Variants in LGMN observed in about 807,000 individuals in gnomAD.
LGMN encodes the protein asparaginyl endopeptidase.
LGMN carries 36 observed loss-of-function variants against 56.8 expected under a neutral mutation model. That is an observed-to-expected ratio of 0.63 (90% CI 0.49 to 0.84). The LOEUF (loss-of-function observed/expected upper bound fraction) is 0.84, where lower values mean the gene tolerates loss of function less well. Ranked by LOEUF, LGMN falls within the 40% of genes least tolerant of loss-of-function variation. LGMN has a pLI of 0.00. For synonymous variants in LGMN, 199 were observed against 210.1 expected (o/e 0.95, Z 0.46); for missense variants, 446 against 556.1 (o/e 0.80, Z 1.99).
intron 4 of LGMN, among the ~76,000 whole-genome samples, 160 bp downstream of exon 4, chr14:92,717,220 C>T (rs2295987): frequency 0.084 from 12,796 of 152,214 alleles, 683 homozygotes; most frequent in East Asian, 0.24. Context: ...TTTCAAAACT[C>T]TCATAATTTA....
intron 2 of LGMN, among the ~76,000 whole-genome samples, chr14:92,719,611 C>A (rs139983383): frequency 1.4e-4 from 21 of 152,258 alleles, no homozygotes; most frequent in African/African-American, 3.9e-4. Context: ...CTGCCAAAGA[C>A]ACTGTTTAGA....
intron 2 of LGMN, among the ~76,000 whole-genome samples, chr14:92,732,203 C>T (rs545855156): frequency 6.6e-6 from 1 of 152,264 alleles, no homozygotes; most frequent in African/African-American, 2.4e-5. Context: ...GGTGATCTGG[C>T]TCCCTGGGGA....
At position 92,717,415 on chromosome 14, in the gene LGMN, C is replaced by A. The variant is rs753232604; in HGVS notation, c.283G>T (p.Val95Phe). The change falls in exon 4 of 14, where the codon GTC (valine) becomes TTC (phenylalanine). Residue 95 changes from valine (V) to phenylalanine (F), a missense_variant. Val to Phe is a conservative substitution (Grantham distance 50). Transcript: ENST00000334869. Reference protein sequence around the residue: ...IVINRPNGTDVYQGVPKDYTG... With the variant: ...IVINRPNGTDFYQGVPKDYTG... Reference sequence around the variant, plus strand: ...TAGTCCTTCGGGACTCCCTGATAGACATCTGTGCCATTGGGCCTGTTGATC... The same window carrying A: ...TAGTCCTTCGGGACTCCCTGATAGAAATCTGTGCCATTGGGCCTGTTGATC... 3.7e-6 allele frequency: 6 copies of A among 1,613,618 alleles called. No individual in the cohort carries two copies. The Admixed American group carries it at 5.0e-5, about 13-fold the overall frequency.
intron 1 of LGMN, among the ~76,000 whole-genome samples, chr14:92,747,445 G>A (rs1184723079): frequency 6.6e-6 from 1 of 152,060 alleles, no homozygotes; most frequent in Non-Finnish European, 1.5e-5. Context: ...AGCCGAGATC[G>A]CACCACTGCA....
chr14:92,708,066 G>T (rs939828353), intron 11 of LGMN, among the ~76,000 whole-genome samples: 1 of 151,314 alleles, frequency 6.6e-6, no homozygotes, highest in African/African-American at 2.4e-5. Flanking sequence ...CAGGAGAATC[G>T]CTTGAACCCG....
chr14:92,719,316 CG>C (rs1890316554), intron 2 of LGMN, among the ~76,000 whole-genome samples: 1 of 47,022 alleles, frequency 2.1e-5, no homozygotes. Context: ...CCGCCACCGC[CG>C]CCGCCGCCAC....
At chr14:92,721,660 CA>C (rs1425466712) in intron 2 of LGMN, among the ~76,000 whole-genome samples, 2 of 152,210 alleles carry the variant, frequency 1.3e-5, no homozygotes, top group Non-Finnish European at 2.9e-5. Flanking sequence ...TATAGCCTAG[CA>C]AAACTCTATC....
Position 92,704,317 on chromosome 14 carries a change from C to T in LGMN, c.*2G>A. 1 of 1,614,070 alleles carries T rather than the reference C, an allele frequency of 6.2e-7. No homozygotes were observed. Among genetic ancestry groups the T allele is most frequent in the Non-Finnish European group, 8.5e-7 (1 of 1,179,958 alleles). On this transcript the variant is annotated 3_prime_UTR_variant, in exon 14 of 14. Transcript: ENST00000334869. ...TTGGAAAAGCTTCCAGGAGGCAGCT[C>T]TTCAGTAGTGACCAAGGCACACGTG... is the stretch of plus-strand genomic sequence containing the variant.
Position 92,704,263 on chromosome 14 carries a change from T to C in LGMN, c.*56A>G. The C allele has an allele frequency of 6.2e-7, 1 of 1,613,352 alleles. No homozygotes were observed. The highest frequency in any genetic ancestry group is 8.5e-7 in the Non-Finnish European group (1 of 1,179,376). The stretch of plus-strand genomic sequence containing the variant: ...CTCACTCCACCTCTCCAGTCTCTGA[T>C]CAGCACACAGTCGGTGGGGCGCTCA... On this transcript the variant is annotated 3_prime_UTR_variant, in exon 14 of 14. Coordinates refer to ENST00000334869, the MANE Select transcript of LGMN (RefSeq NM_005606.7).
intron 3 of LGMN, among the ~76,000 whole-genome samples, 191 bp downstream of exon 3, chr14:92,718,556 A>T (rs1890187174): frequency 6.6e-6 from 1 of 152,064 alleles, no homozygotes; most frequent in South Asian, 2.1e-4. Context: ...CCTGGGCAAC[A>T]GAGCAAGACT....
intron 2 of LGMN, among the ~76,000 whole-genome samples, chr14:92,721,791 C>T (rs1391518301): frequency 6.6e-6 from 1 of 152,148 alleles, no homozygotes; most frequent in Non-Finnish European, 1.5e-5. Flanking sequence ...AAATGGAATA[C>T]CTGAAAATGA....
At chr14:92,712,935 G>A (rs1889870481) in intron 7 of LGMN, 64 bp from the exon 8 acceptor site, 1 of 1,459,348 alleles carries the variant, frequency 6.9e-7, no homozygotes, top group Admixed American at 1.8e-5. Context: ...CCATGCTACT[G>A]GAGCTCTGCC....
chr14:92,719,275 G>A (rs867897441), intron 2 of LGMN, among the ~76,000 whole-genome samples: 1,138 of 23,638 alleles, frequency 0.048, 26 homozygotes, highest in Middle Eastern at 0.079. Context: ...CGCCGCCGCC[G>A]CCACCGCCGC....
intron 7 of LGMN, 76 bp from the exon 8 acceptor site, chr14:92,712,947 A>G: frequency 7.6e-7 from 1 of 1,324,044 alleles, no homozygotes; most frequent in Non-Finnish European, 1.1e-6. Flanking sequence ...AGCTCTGCCC[A>G]CTCTCTCTAC....
At chr14:92,734,664 T>C (rs1211574091) in intron 1 of LGMN, among the ~76,000 whole-genome samples, 3 of 151,926 alleles carry the variant, frequency 2.0e-5, no homozygotes, top group African/African-American at 7.2e-5. Flanking sequence ...AAAAAAACTT[T>C]ATTATTATGG....
intron 2 of LGMN, among the ~76,000 whole-genome samples, chr14:92,720,215 C>T (rs1290332811): frequency 6.6e-6 from 1 of 152,206 alleles, no homozygotes; most frequent in Non-Finnish European, 1.5e-5. Flanking sequence ...TTCTATTTGT[C>T]CAGCACTGTG....
intron 2 of LGMN, among the ~76,000 whole-genome samples, chr14:92,724,441 G>T (rs1226940425): frequency 4.6e-5 from 7 of 152,146 alleles, no homozygotes; most frequent in Admixed American, 2.0e-4. Flanking sequence ...ACTCAGCGGG[G>T]TTCTTCCATT....
chr14:92,742,049 G>A lies in LGMN; in HGVS notation c.-30+6440C>T, dbSNP rs79552092. 6.2e-3 allele frequency among the ~76,000 whole-genome samples: 947 copies of A among 152,064 alleles called. 13 individuals carry two copies. The highest frequency in any genetic ancestry group is 0.022 in the African/African-American group (900 of 41,462). ...ATCCAGAAGAGAATCTCTCACCCTCGATATCTAATGAAGTTCCTCTTAGTA... is the reference window on the plus strand; with the variant it reads ...ATCCAGAAGAGAATCTCTCACCCTCAATATCTAATGAAGTTCCTCTTAGTA... On this transcript the variant is annotated intron_variant, in intron 1 of 13. Transcript: ENST00000334869.
At chr14:92,729,470 C>T (rs533551161) in intron 2 of LGMN, among the ~76,000 whole-genome samples, 8 of 62,796 alleles carry the variant, frequency 1.3e-4, no homozygotes, top group African/African-American at 4.3e-4. Flanking sequence ...AGATCACGCC[C>T]CCCCCCCCCG....
Sources: gnomAD v4.1 joint callset for allele counts (sites outside exome capture counted in the v4.1 genomes callset) on GRCh38, gnomAD v4.1.1 for gene constraint, MANE v1.5 for transcripts, NCBI Gene and HGNC (gene_info 2026-07-23, HGNC 2026-07-21) for gene names.